The following ARID1A variants were observed in gnomAD, a reference collection of about 807,000 sequenced individuals.
ARID1A encodes AT-rich interactive domain-containing protein 1A.
In ARID1A, 20 loss-of-function variants were observed where a neutral mutation model predicts 212.6. The observed-to-expected ratio is 0.09, with a 90% CI of 0.07 to 0.14. ARID1A has a LOEUF of 0.14. Ranked by LOEUF, ARID1A falls within the 10% of genes least tolerant of loss-of-function variation. The pLI is 1.00. For missense variants in ARID1A, 2,587 were observed against 3,059.0 expected (o/e 0.85, Z 3.64); for synonymous variants, 1,376 against 1,222.1 (o/e 1.13, Z -2.63).
chr1:26,729,472 A>C (rs2080651559), intron 1 of ARID1A, 179 bp from the exon 2 acceptor site: 6 of 673,132 alleles, frequency 8.9e-6, no homozygotes, highest in Non-Finnish European at 1.5e-5. Context: ...AAATGACAAA[A>C]TTAGGGTTCT....
In ARID1A at chr1:26,737,955, T is replaced by C. The variant is rs948045690; in HGVS notation, c.1920+5163T>C. On this transcript the variant is annotated intron_variant, in intron 4 of 19. Coordinates refer to ENST00000324856, the MANE Select transcript of ARID1A (RefSeq NM_006015.6). ...TTTGGGCATTGGTGTGGTTAGCAGC[T>C]GTCCCAGGTGAATCCCGATTTGCAG... Among the ~76,000 whole-genome samples, 26 of 152,310 alleles carry C rather than the reference T, an allele frequency of 1.7e-4. 1 individual carries two copies. Among genetic ancestry groups the C allele is most frequent in the Admixed American group, 1.5e-3 (23 of 15,294 alleles).
Position 26,773,494 on chromosome 1 carries a change from G to A in ARID1A, c.3864G>A (p.Val1288=), listed in dbSNP as rs2081103174. ...HYPYGGPYDR[V]RTEPGIGPEG... ...CCTATGGAGGTCCTTATGACAGAGT[G>A]AGGTAAGCATGACCCCAGCTCCTGT... Residue 1288 remains valine, a splice_region_variant and synonymous_variant, in exon 15 of 20, where the codon GTG becomes GTA. Coordinates refer to ENST00000324856, the MANE Select transcript of ARID1A (RefSeq NM_006015.6). The A allele has an allele frequency of 1.9e-6, 3 of 1,612,618 alleles. No homozygotes were observed. The highest frequency in any genetic ancestry group is 2.5e-6 in the Non-Finnish European group (3 of 1,179,044).
Position 26,760,951 on chromosome 1 carries a change from G to A in ARID1A, c.2016G>A (p.Glu672=), listed in dbSNP as rs962367719. The A allele has an allele frequency of 1.2e-6, 2 of 1,613,960 alleles. No individual in the cohort carries two copies. Among genetic ancestry groups the A allele is most frequent in the African/African-American group, 2.7e-5 (2 of 74,868 alleles). Residue 672 remains glutamate (E), a synonymous_variant, in exon 5 of 20, where the codon GAG becomes GAA. Transcript: ENST00000324856. ...CAGGGATTTCCAGCAGCCAAGGAGA[G>A]CAGAGTAATCCAGCTCAGTCTCCTT... ...STSGISSSQG[E]QSNPAQSPFS... is the part of the protein sequence containing the mutation.
Position 26,696,727 on chromosome 1 carries a change from C to A in ARID1A, c.324C>A (p.Gly108=). ...TGAAGAACTCGAACGGGAACGCGGG[C>A]CCTAGGCCCGCCCTGAACAATAACC... is the stretch of plus-strand genomic sequence containing the variant. The part of the protein sequence containing the change: ...PDLKNSNGNA[G]PRPALNNNLT... Residue 108 remains glycine, a synonymous_variant, in exon 1 of 20, where the codon GGC becomes GGA. Coordinates refer to ENST00000324856, the MANE Select transcript of ARID1A (RefSeq NM_006015.6). 3 of 1,374,754 alleles carry A rather than the reference C, an allele frequency of 2.2e-6. No homozygotes were observed. Among genetic ancestry groups the A allele is most frequent in the Non-Finnish European group, 2.8e-6 (3 of 1,065,550 alleles). The allele number at this position is 1,374,754 out of a possible 1,614,324, so 85.2% of individuals were successfully genotyped here.
At chr1:26,707,563 G>A (rs533484060) in intron 1 of ARID1A, among the ~76,000 whole-genome samples, 2 of 151,820 alleles carry the variant, frequency 1.3e-5, no homozygotes, top group East Asian at 1.9e-4. Flanking sequence ...GGCTAGTCTC[G>A]AACTCCTGAC....
rs952867795 is a variant in ARID1A at position 26,756,219 on chromosome 1, C to A, written c.1921-4637C>A. Among the ~76,000 whole-genome samples the A allele has an allele frequency of 3.3e-5, 5 of 151,988 alleles. No individual in the cohort carries two copies. The East Asian group carries it at 9.7e-4, about 29-fold the overall frequency. On this transcript the variant is annotated intron_variant, in intron 4 of 19. Coordinates refer to ENST00000324856, the MANE Select transcript of ARID1A (RefSeq NM_006015.6). ...TTGAGCCCAGGAGTTCGAGACAAGC[C>A]TGAGCAACATGGCAAGGCCCCATCT...
Position 26,732,721 on chromosome 1 carries a change from T to C in ARID1A, c.1849T>C (p.Ser617Pro). 16 of 1,614,030 alleles carry C rather than the reference T, an allele frequency of 9.9e-6. No individual in the cohort carries two copies. Among genetic ancestry groups the C allele is most frequent in the Non-Finnish European group, 1.4e-5 (16 of 1,179,946 alleles). The change falls in exon 4 of 20, where the codon TCA (serine) becomes CCA (proline). Residue 617 changes from serine (S) to proline (P), a missense_variant. Ser to Pro is a moderately conservative substitution (Grantham distance 74, BLOSUM62 -1). Around this residue, in one of 11 missense-constraint regions of ARID1A, gnomAD observed 674 missense variants for 813.4 expected, o/e 0.83. Transcript: ENST00000324856. ...TGGGTCTCAGGCATCCTCAGCCCCC[T>C]CAATGACCTCCAGTAAGGGAGGGCA... ...SFGSQASSAP[S>P]MTSSKGGQED...
Position 26,742,029 on chromosome 1 carries a change from A to C in ARID1A, c.1920+9237A>C, listed in dbSNP as rs931655018. Among the ~76,000 whole-genome samples the C allele has an allele frequency of 2.0e-5, 3 of 152,176 alleles. No homozygotes were observed. In the South Asian group the frequency reaches 6.2e-4, roughly 32 times the overall value. On this transcript the variant is annotated intron_variant, in intron 4 of 19. Transcript: ENST00000324856. ...GGTACAGAATACCCACTCCTGTTTT[A>C]CATATGAAAAACCAAGGGTCAGAAT...
chr1:26,730,585 A>AT (rs928937932), intron 2 of ARID1A, among the ~76,000 whole-genome samples: 4 of 151,940 alleles, frequency 2.6e-5, no homozygotes, highest in Admixed American at 6.6e-5. Flanking sequence ...AATTTTATTT[A>AT]TTTTTTTTAT....
At chr1:26,747,061 C>CA (rs905779721) in intron 4 of ARID1A, among the ~76,000 whole-genome samples, 6 of 151,656 alleles carry the variant, frequency 4.0e-5, no homozygotes, top group Non-Finnish European at 8.8e-5. Flanking sequence ...AACAAACAAA[C>CA]AAAAAAAACA....
chr1:26,706,423 A>G (rs2080392807), intron 1 of ARID1A, among the ~76,000 whole-genome samples: 1 of 152,076 alleles, frequency 6.6e-6, no homozygotes, highest in Admixed American at 6.5e-5. Flanking sequence ...GGTTGTTGTG[A>G]TATCAGTCAA....
In ARID1A at chr1:26,763,372, C is replaced by G. The variant is rs1221898949; in HGVS notation, c.2732+87C>G. On this transcript the variant is annotated intron_variant, in intron 8 of 19. Coordinates refer to ENST00000324856, the MANE Select transcript of ARID1A (RefSeq NM_006015.6). ...TTATTGAGATGCTTCTGGACCTAAA[C>G]CAGGGGGGGAAAATGGGTGTGTGTG... 5.0e-6 allele frequency: 7 copies of G among 1,411,196 alleles called. No homozygotes were observed. In the African/African-American group the frequency reaches 1.0e-4, roughly 20 times the overall value. 87.4% of individuals were successfully genotyped at this position (1,411,196 alleles called of 1,614,324 possible). A position where few individuals can be genotyped will look rare whatever the true frequency, so the allele number is the denominator to read the frequency against.
intron 4 of ARID1A, among the ~76,000 whole-genome samples, chr1:26,755,719 T>C (rs1236918581): frequency 6.6e-6 from 1 of 152,060 alleles, no homozygotes; most frequent in East Asian, 1.9e-4. Context: ...CCTGAGCTGA[T>C]AGGAGTGGTT....
intron 1 of ARID1A, among the ~76,000 whole-genome samples, chr1:26,701,219 T>A (rs1419518770): frequency 6.6e-6 from 1 of 152,206 alleles, no homozygotes; most frequent in Non-Finnish European, 1.5e-5. Flanking sequence ...TTGTATTGAT[T>A]GGCTTCAACT....
At chr1:26,752,021 G>A (rs556969197) in intron 4 of ARID1A, among the ~76,000 whole-genome samples, 1 of 152,300 alleles carries the variant, frequency 6.6e-6, no homozygotes, top group East Asian at 1.9e-4. Context: ...GAAACTTGAC[G>A]GGGGCAAGTA....
At chr1:26,761,566 GC>G in intron 6 of ARID1A, 93 bp downstream of exon 6, 1 of 1,237,974 alleles carries the variant, frequency 8.1e-7, no homozygotes. Context: ...TGACCATGAA[GC>G]TTAGGACAAT....
At chr1:26,709,601 T>C (rs894963637) in intron 1 of ARID1A, among the ~76,000 whole-genome samples, 3 of 151,396 alleles carry the variant, frequency 2.0e-5, no homozygotes, top group Non-Finnish European at 4.4e-5. Flanking sequence ...CCCTAGTTTT[T>C]AGCTACATCT....
rs745957633 is a variant in ARID1A at position 26,697,197 on chromosome 1, C to G, written c.794C>G (p.Ser265Cys). 1 of 1,422,774 alleles carries G rather than the reference C, an allele frequency of 7.0e-7. No individual in the cohort carries two copies. Among genetic ancestry groups the G allele is most frequent in the Non-Finnish European group, 9.1e-7 (1 of 1,094,956 alleles). 88.1% of individuals were successfully genotyped at this position (1,422,774 alleles called of 1,614,324 possible). ...SSASASSSSS[S>C]FAQQRFGAMG... Reference sequence around the variant, plus strand: ...GCCTCCGCCTCCTCGTCGTCTTCGTCCTTCGCTCAGCAGCGCTTCGGGGCC... The same window carrying G: ...GCCTCCGCCTCCTCGTCGTCTTCGTGCTTCGCTCAGCAGCGCTTCGGGGCC... Residue 265 changes from serine to cysteine, a missense_variant, in exon 1 of 20, where the codon TCC becomes TGC. By Grantham distance (112) the Ser-to-Cys change is moderately radical. This residue lies in a region of ARID1A where 735 missense variants were observed against 590.6 expected (regional missense o/e 1.24). Transcript: ENST00000324856.
chr1:26,757,926 C>T (rs972258231), intron 4 of ARID1A, among the ~76,000 whole-genome samples: 1 of 152,202 alleles, frequency 6.6e-6, no homozygotes, highest in Non-Finnish European at 1.5e-5. Context: ...ACATGAGCTA[C>T]TGCGCCTGGC....
Sources: gnomAD v4.1 joint callset for allele counts (sites outside exome capture counted in the v4.1 genomes callset) on GRCh38, gnomAD v4.1.1 for gene constraint, gnomAD v4.1.1 regional missense constraint, MANE v1.5 for transcripts, NCBI Gene and HGNC (gene_info 2026-07-23, HGNC 2026-07-21) for gene names.